The following ABCA13 variants were observed in gnomAD, a reference collection of about 807,000 sequenced individuals.
The protein encoded by ABCA13 is ATP-binding cassette sub-family A member 13.
A neutral mutation model predicts 478.7 loss-of-function variants in ABCA13; 476 were observed. The observed-to-expected ratio is 0.99, with a 90% CI of 0.92 to 1.07. The LOEUF (loss-of-function observed/expected upper bound fraction) is 1.07. Ranked by LOEUF, ABCA13 falls within the 50% of genes least tolerant of loss-of-function variation. ABCA13 has a pLI of 0.00. For missense variants in ABCA13, 6,060 were observed against 5,910.6 expected (o/e 1.03, Z -0.83); for synonymous variants, 2,252 against 2,158.9 (o/e 1.04, Z -1.20).
chr7:48,300,039 A>C (rs757815250), intron 23 of ABCA13, among the ~76,000 whole-genome samples: 2 of 152,246 alleles, frequency 1.3e-5, no homozygotes, highest in Non-Finnish European at 2.9e-5. Context: ...ATAAATGCAC[A>C]TGTATCTACA....
At chr7:48,516,654 G>GCCATAGATAAAACTT in intron 51 of ABCA13, 71 bp from the exon 52 acceptor site, 1 of 1,479,814 alleles carries the variant, frequency 6.8e-7, no homozygotes, top group Non-Finnish European at 9.3e-7. Context: ...GTCTTAGAAT[G>GCCATAGATAAAACTT]TATCTGCCAT....
chr7:48,487,314 A>AC (rs1554536247), intron 47 of ABCA13, among the ~76,000 whole-genome samples: 1 of 128,202 alleles, frequency 7.8e-6, no homozygotes, highest in Admixed American at 7.5e-5. Context: ...GTCTCAAAAA[A>AC]AAAACAAAAC....
intron 44 of ABCA13, among the ~76,000 whole-genome samples, chr7:48,467,445 CTT>C (rs1208800780): frequency 6.6e-6 from 1 of 152,010 alleles, no homozygotes; most frequent in Non-Finnish European, 1.5e-5. Context: ...ATTTTTTTAA[CTT>C]AAAAGACTTA....
In ABCA13 at chr7:48,621,885, A is replaced by G. The variant is rs1793171802; in HGVS notation, c.14837+6508A>G. ...ACCTCATCATGCTTTTCCTGGCTTC[A>G]GCCAACACCAACTGCCCCAATCCTG... On this transcript the variant is annotated intron_variant, in intron 59 of 61. Transcript: ENST00000435803. 3.9e-5 allele frequency among the ~76,000 whole-genome samples: 6 copies of G among 152,322 alleles called. No individual in the cohort carries two copies. In the South Asian group the frequency reaches 1.2e-3, roughly 32 times the overall value.
intron 30 of ABCA13, among the ~76,000 whole-genome samples, chr7:48,351,478 G>T (rs1008557234): frequency 7.2e-5 from 11 of 152,168 alleles, no homozygotes; most frequent in African/African-American, 2.7e-4. Context: ...TATGAGGAGA[G>T]AATCTTCTCT....
chr7:48,480,132 A>C (rs956199120), intron 45 of ABCA13, among the ~76,000 whole-genome samples: 1 of 152,222 alleles, frequency 6.6e-6, no homozygotes, highest in Non-Finnish European at 1.5e-5. Context: ...CTGAGTTCAG[A>C]AAATGAGACT....
intron 55 of ABCA13, among the ~76,000 whole-genome samples, chr7:48,548,152 G>A (rs1364252859): frequency 6.6e-6 from 1 of 151,850 alleles, no homozygotes; most frequent in African/African-American, 2.4e-5. Flanking sequence ...TACACAGCGA[G>A]TATTTTCATT....
At position 48,368,850 on chromosome 7, in the gene ABCA13, T is replaced by G. The variant is rs573684739; in HGVS notation, c.10803+942T>G. Among the ~76,000 whole-genome samples the G allele has an allele frequency of 3.3e-4, 50 of 151,834 alleles. 2 individuals carry two copies. The South Asian group carries it at 0.01, about 32-fold the overall frequency. On this transcript the variant is annotated intron_variant, in intron 32 of 61. Transcript: ENST00000435803. ...GATGGGCATCTGGGTTGGTTCCATA[T>G]TTTTGTAATTGCGAATTGTGCTGCT...
At position 48,511,254 on chromosome 7, in the gene ABCA13, A is replaced by G; in HGVS notation, c.13640+55A>G. On this transcript the variant is annotated intron_variant, in intron 51 of 61. Transcript: ENST00000435803. ...TACGGTTTGTTTTCTGAAAGAGAAA[A>G]CCCTCAGGATGGCTTTGAACCTGCT... is the stretch of plus-strand genomic sequence containing the variant. 3 of 1,446,162 alleles carry G rather than the reference A, an allele frequency of 2.1e-6. No homozygotes were observed. The South Asian group carries it at 3.8e-5, about 18-fold the overall frequency. 89.6% of individuals were successfully genotyped at this position (1,446,162 alleles called of 1,614,324 possible). A position where few individuals can be genotyped will look rare whatever the true frequency, so the allele number is the denominator to read the frequency against.
At chr7:48,549,095 G>A (rs532486708) in intron 55 of ABCA13, among the ~76,000 whole-genome samples, 175 of 151,830 alleles carry the variant, frequency 1.2e-3, no homozygotes, top group African/African-American at 4.1e-3. Context: ...AGTGCAGAAT[G>A]TGCAGGTTTG....
chr7:48,266,811 G>T (rs1794927775), intron 15 of ABCA13, among the ~76,000 whole-genome samples: 1 of 151,816 alleles, frequency 6.6e-6, no homozygotes, highest in Non-Finnish European at 1.5e-5. Context: ...TCTAATGTAG[G>T]TGTTTAATGG....
rs1407668169 is a variant in ABCA13 at position 48,245,970 on chromosome 7, C to T, written c.1599C>T (p.Cys533=). 1 of 1,613,680 alleles carries T rather than the reference C, an allele frequency of 6.2e-7. No individual in the cohort carries two copies. Among genetic ancestry groups the T allele is most frequent in the African/African-American group, 1.3e-5 (1 of 74,902 alleles). ...GGGGTGGTCTCCAGGGACTGTTGTG[C>T]TATTGTAACTCCTCTGAGACGAGTG... ...SIWGGLQGLL[C]YCNSSETSVL... Residue 533 remains cysteine (C), a synonymous_variant, in exon 13 of 62, where the codon TGC becomes TGT. Transcript: ENST00000435803.
intron 1 of ABCA13, among the ~76,000 whole-genome samples, chr7:48,175,809 T>A (rs1794782491): frequency 6.6e-6 from 1 of 152,202 alleles, no homozygotes; most frequent in African/African-American, 2.4e-5. Context: ...TAATTTTGTA[T>A]CCTTTAATAA....
chr7:48,273,640 C>A lies in ABCA13; in HGVS notation c.3974C>A (p.Thr1325Asn), dbSNP rs1430597236. ...NYGEKFENIITELREAIVFLR... is the reference protein window; with the variant it reads ...NYGEKFENIINELREAIVFLR... Reference sequence around the variant, plus strand: ...GGAGAAAAATTTGAAAATATCATCACTGAGCTAAGAGAAGCAATAGTATTT... The same window carrying A: ...GGAGAAAAATTTGAAAATATCATCAATGAGCTAAGAGAAGCAATAGTATTT... The change falls in exon 17 of 62, where the codon ACT becomes AAT. Residue 1325 changes from threonine (T) to asparagine (N), a missense_variant. Thr to Asn is a moderately conservative substitution (Grantham distance 65). Around this residue, in one of 3 missense-constraint regions of ABCA13, gnomAD observed 4,423 missense variants for 4,309.1 expected, o/e 1.03. Coordinates refer to ENST00000435803, the MANE Select transcript of ABCA13 (RefSeq NM_152701.5). 1 of 1,606,176 alleles carries A rather than the reference C, an allele frequency of 6.2e-7. No homozygotes were observed. Among genetic ancestry groups the A allele is most frequent in the South Asian group, 1.1e-5 (1 of 90,032 alleles).
At chr7:48,450,033 G>C (rs1319049100) in intron 42 of ABCA13, among the ~76,000 whole-genome samples, 3 of 152,126 alleles carry the variant, frequency 2.0e-5, no homozygotes, top group Non-Finnish European at 1.5e-5. Context: ...TTACTTGTTT[G>C]ACTCTATTAC....
chr7:48,292,065 T>A (rs1798615596), intron 20 of ABCA13, among the ~76,000 whole-genome samples: 1 of 152,030 alleles, frequency 6.6e-6, no homozygotes, highest in Non-Finnish European at 1.5e-5. Context: ...AACCTAAAAA[T>A]CCCAATTACT....
At chr7:48,210,669 A>T (rs538920439) in intron 3 of ABCA13, among the ~76,000 whole-genome samples, 22 of 151,942 alleles carry the variant, frequency 1.4e-4, no homozygotes, top group Admixed American at 1.4e-3. Context: ...CTTGTTATTG[A>T]TATCTAGTTT....
chr7:48,523,379 TA>T (rs1832685039), intron 53 of ABCA13, among the ~76,000 whole-genome samples: 1 of 152,082 alleles, frequency 6.6e-6, no homozygotes, highest in African/African-American at 2.4e-5. Flanking sequence ...ATACCTTTTT[TA>T]TTTTGAAATA....
intron 15 of ABCA13, among the ~76,000 whole-genome samples, chr7:48,250,566 A>C (rs1020469915): frequency 1.3e-5 from 2 of 152,212 alleles, no homozygotes; most frequent in African/African-American, 4.8e-5. Flanking sequence ...TGTGCCTGTC[A>C]GGAAACAATG....
Sources: allele counts gnomAD v4.1 joint callset (sites outside exome capture counted in the v4.1 genomes callset), GRCh38; gene constraint gnomAD v4.1.1; regional missense constraint gnomAD v4.1.1; transcripts MANE v1.5; gene names NCBI Gene and HGNC (gene_info 2026-07-23, HGNC 2026-07-21).